The following USH2A variants were observed in gnomAD, a reference collection of about 807,000 sequenced individuals.
The protein encoded by USH2A is usherin.
In USH2A, 443 loss-of-function variants were observed where a neutral mutation model predicts 538.9. That is an observed-to-expected ratio of 0.82 (90% CI 0.76 to 0.89). The LOEUF (loss-of-function observed/expected upper bound fraction) is 0.89, where lower values mean the gene tolerates loss of function less well. USH2A is among the 40% of genes least tolerant of loss of function. USH2A has a pLI of 0.00. For synonymous variants in USH2A, 2,413 were observed against 2,273.5 expected (o/e 1.06, Z -1.75); for missense variants, 6,633 against 6,324.8 (o/e 1.05, Z -1.65).
chr1:216,048,522 A>G lies in USH2A; in HGVS notation c.6163+12T>C. On this transcript the variant is annotated intron_variant, in intron 31 of 71. Coordinates refer to ENST00000307340, the MANE Select transcript of USH2A (RefSeq NM_206933.4). ...TGAAATGTGGAAGTCAAGACCTTTG[A>G]AATTACTTTACCTTCTTGTGGAGTA... 1 of 1,611,358 alleles carries G rather than the reference A, an allele frequency of 6.2e-7. No individual in the cohort carries two copies. The highest frequency in any genetic ancestry group is 1.7e-5 in the Admixed American group (1 of 60,026).
At chr1:216,335,319 A>G (rs79373911) in intron 4 of USH2A, among the ~76,000 whole-genome samples, 2 of 151,610 alleles carry the variant, frequency 1.3e-5, no homozygotes, top group Admixed American at 6.6e-5. Flanking sequence ...AGAGCTGTAA[A>G]CACTTATATT....
At chr1:216,283,790 ATTGT>A (rs138627211) in intron 11 of USH2A, among the ~76,000 whole-genome samples, 504 of 152,282 alleles carry the variant, frequency 3.3e-3, no homozygotes, top group African/African-American at 0.012. Context: ...TTGGATCATA[ATTGT>A]TTGTCATTTC....
intron 21 of USH2A, among the ~76,000 whole-genome samples, chr1:216,135,187 C>T (rs1329058096): frequency 6.6e-6 from 1 of 151,550 alleles, no homozygotes; most frequent in Admixed American, 6.6e-5. Flanking sequence ...CATACACACA[C>T]ACACACACAC....
chr1:216,331,420 A>G (rs897161731), intron 4 of USH2A, among the ~76,000 whole-genome samples: 1 of 152,116 alleles, frequency 6.6e-6, no homozygotes, highest in Non-Finnish European at 1.5e-5. Context: ...TGATGACTGG[A>G]AAGAAGTTGT....
intron 15 of USH2A, among the ~76,000 whole-genome samples, chr1:216,216,193 TTTAGACTGTATTTATACATG>T: frequency 6.6e-6 from 1 of 152,096 alleles, no homozygotes; most frequent in Non-Finnish European, 1.5e-5. Context: ...CAGATTTATG[TTTAGACTGTATTTATACATG>T]AAAGGAATTA....
chr1:216,378,749 C>T (rs2669053), intron 3 of USH2A, among the ~76,000 whole-genome samples: 87,623 of 151,834 alleles, frequency 0.58, 26,675 homozygotes, highest in East Asian at 0.8. Context: ...ATAACATCAG[C>T]TCTAATCAAT....
chr1:215,649,230 A>G (rs1462311247), intron 65 of USH2A, among the ~76,000 whole-genome samples: 6 of 152,200 alleles, frequency 3.9e-5, no homozygotes, highest in African/African-American at 1.4e-4. Context: ...ATCTTTTCAG[A>G]TCTACATTAA....
chr1:216,010,325 C>T (rs1332749462), intron 32 of USH2A, among the ~76,000 whole-genome samples: 1 of 152,128 alleles, frequency 6.6e-6, no homozygotes, highest in African/African-American at 2.4e-5. Flanking sequence ...TCCTGCAGCC[C>T]AGGATTCCTC....
intron 55 of USH2A, among the ~76,000 whole-genome samples, chr1:215,777,298 T>C (rs1484307110): frequency 2.6e-5 from 4 of 152,220 alleles, no homozygotes; most frequent in Admixed American, 2.6e-4. Context: ...GAAAAATCTT[T>C]GCAATTATTT....
intron 41 of USH2A, among the ~76,000 whole-genome samples, chr1:215,882,151 T>C (rs12136954): frequency 0.14 from 21,842 of 152,220 alleles, 1,531 homozygotes; most frequent in East Asian, 0.2. Flanking sequence ...TAAGAGATGA[T>C]AAATGTCTCA....
intron 47 of USH2A, among the ~76,000 whole-genome samples, chr1:215,823,162 T>C (rs1354278234): frequency 2.0e-5 from 3 of 152,086 alleles, no homozygotes; most frequent in African/African-American, 4.8e-5. Flanking sequence ...TTTCTTTCTG[T>C]GCATTAGTTT....
At chr1:215,837,197 T>A (rs1050525686) in intron 47 of USH2A, among the ~76,000 whole-genome samples, 3 of 152,156 alleles carry the variant, frequency 2.0e-5, no homozygotes, top group Non-Finnish European at 4.4e-5. Flanking sequence ...CAACATGTCA[T>A]AGAGAAATCC....
chr1:216,102,097 G>T (rs1042442820), intron 21 of USH2A, among the ~76,000 whole-genome samples: 1 of 151,590 alleles, frequency 6.6e-6, no homozygotes, highest in East Asian at 1.9e-4. Context: ...GCTATCAAAA[G>T]GTATGAATAA....
chr1:216,214,274 C>A (rs374574082), intron 15 of USH2A, among the ~76,000 whole-genome samples: 3 of 151,844 alleles, frequency 2.0e-5, no homozygotes, highest in Non-Finnish European at 1.5e-5. Flanking sequence ...TCATAGTAGA[C>A]CAATGCTGAA....
intron 63 of USH2A, among the ~76,000 whole-genome samples, chr1:215,672,879 C>T (rs1657869950): frequency 6.6e-6 from 1 of 152,192 alleles, no homozygotes; most frequent in Non-Finnish European, 1.5e-5. Context: ...ATAAATTAAA[C>T]TTTTCTTTCC....
intron 37 of USH2A, among the ~76,000 whole-genome samples, chr1:215,954,819 G>C (rs987210198): frequency 6.6e-6 from 1 of 151,554 alleles, no homozygotes; most frequent in Non-Finnish European, 1.5e-5. Context: ...GCATGAAGTA[G>C]CTCCTGTCTA....
chr1:216,292,092 A>T, intron 10 of USH2A, 83 bp downstream of exon 10: 1 of 1,425,766 alleles, frequency 7.0e-7, no homozygotes, highest in Non-Finnish European at 9.9e-7. Context: ...ATAAGATAGC[A>T]ATAACATAAT....
chr1:215,890,165 A>G (rs577994204), intron 40 of USH2A, among the ~76,000 whole-genome samples: 1 of 152,346 alleles, frequency 6.6e-6, no homozygotes, highest in Non-Finnish European at 1.5e-5. Flanking sequence ...AAACAGATCA[A>G]GAAAATACTG....
At chr1:215,864,214 T>C (rs1664407960) in intron 44 of USH2A, among the ~76,000 whole-genome samples, 1 of 152,162 alleles carries the variant, frequency 6.6e-6, no homozygotes, top group African/African-American at 2.4e-5. Flanking sequence ...GCATGAGAAA[T>C]AGAAAATTTG....
Sources: allele counts gnomAD v4.1 joint callset (sites outside exome capture counted in the v4.1 genomes callset), GRCh38; gene constraint gnomAD v4.1.1; transcripts MANE v1.5; gene names NCBI Gene and HGNC (gene_info 2026-07-23, HGNC 2026-07-21).